Variants in CACNA2D1 observed in about 807,000 individuals in gnomAD.
CACNA2D1 encodes the protein calcium voltage-gated channel auxiliary subunit alpha2delta 1.
In CACNA2D1, 53 loss-of-function variants were observed where a neutral mutation model predicts 171.5. That is an observed-to-expected ratio of 0.31 (90% CI 0.25 to 0.39). The LOEUF is 0.39. CACNA2D1 is among the 10% of genes least tolerant of loss of function. The pLI, the probability that CACNA2D1 is intolerant of heterozygous loss-of-function variation, is 1.00. For synonymous variants in CACNA2D1, 442 were observed against 443.1 expected (o/e 1.00, Z 0.03); for missense variants, 903 against 1,299.8 (o/e 0.69, Z 4.69).
intron 10 of CACNA2D1, among the ~76,000 whole-genome samples, chr7:82,059,112 C>G (rs1806291971): frequency 6.6e-6 from 1 of 152,124 alleles, no homozygotes. Context: ...ACTTTAACTT[C>G]TTCCTCCCAA....
intron 6 of CACNA2D1, among the ~76,000 whole-genome samples, chr7:82,096,736 G>A (rs984357264): frequency 1.1e-4 from 16 of 150,694 alleles, no homozygotes; most frequent in Non-Finnish European, 1.9e-4. Flanking sequence ...AGAGTATTGT[G>A]ACAGATTACA....
chr7:81,978,307 C>A (rs1176242231), intron 24 of CACNA2D1, among the ~76,000 whole-genome samples: 1 of 152,082 alleles, frequency 6.6e-6, no homozygotes, highest in Non-Finnish European at 1.5e-5. Flanking sequence ...CAGCACGGTT[C>A]AGAACAGCAA....
At chr7:82,069,031 T>C (rs73703117) in intron 7 of CACNA2D1, among the ~76,000 whole-genome samples, 13,454 of 152,250 alleles carry the variant, frequency 0.088, 640 homozygotes, top group Middle Eastern at 0.18. Flanking sequence ...TCTGAGATAT[T>C]TACTCTTAGG....
At chr7:82,337,676 C>T (rs2087305671) in intron 2 of CACNA2D1, among the ~76,000 whole-genome samples, 1 of 152,082 alleles carries the variant, frequency 6.6e-6, no homozygotes, top group Admixed American at 6.6e-5. Context: ...TTTTTGGCAC[C>T]AGACAGAGTT....
chr7:81,983,410 T>TA (rs1252092306), intron 22 of CACNA2D1, 76 bp from the exon 23 acceptor site: 3 of 1,045,016 alleles, frequency 2.9e-6, no homozygotes, highest in Non-Finnish European at 4.4e-6. Context: ...TCATAAACAA[T>TA]ATTTTATTCA....
At chr7:82,433,299 GT>G (rs1220172936) in intron 1 of CACNA2D1, among the ~76,000 whole-genome samples, 2 of 152,124 alleles carry the variant, frequency 1.3e-5, no homozygotes, top group African/African-American at 4.8e-5. Flanking sequence ...AGAACCAAAT[GT>G]TGCTGTGTCC....
At chr7:81,954,435 TAAAAAATCTAAACCATAGTAA>T (rs1421796712) in intron 38 of CACNA2D1, among the ~76,000 whole-genome samples, 2 of 152,008 alleles carry the variant, frequency 1.3e-5, no homozygotes, top group Non-Finnish European at 2.9e-5. Context: ...CATTACTCTT[TAAAAAATCTAAACCATAGTAA>T]AATTCATATG....
chr7:82,260,184 T>C lies in CACNA2D1; in HGVS notation c.294+74951A>G, dbSNP rs574398187. ...TTTCACTGAGCCAAGATCATAGCAT[T>C]GCACTCCAGGCTGGGTAACAAGAGT... On this transcript the variant is annotated intron_variant, in intron 3 of 38. Coordinates refer to ENST00000356860, the MANE Select transcript of CACNA2D1 (RefSeq NM_000722.4). 2.1e-3 allele frequency among the ~76,000 whole-genome samples: 315 copies of C among 152,294 alleles called. 4 individuals carry two copies. The highest frequency in any genetic ancestry group is 1.8e-3 in the Non-Finnish European group (122 of 68,020).
chr7:81,959,413 A>ACT, intron 37 of CACNA2D1, 56 bp from the exon 38 acceptor site: 2 of 1,171,016 alleles, frequency 1.7e-6, no homozygotes, highest in Non-Finnish European at 2.6e-6. Context: ...GATTAAAAAT[A>ACT]AATACAATGC....
At chr7:82,401,058 A>G (rs1400133555) in intron 1 of CACNA2D1, among the ~76,000 whole-genome samples, 1 of 152,154 alleles carries the variant, frequency 6.6e-6, no homozygotes, top group Non-Finnish European at 1.5e-5. Flanking sequence ...AGGAAACAAC[A>G]GGTGCTGGAG....
At chr7:82,421,755 C>T (rs534531844) in intron 1 of CACNA2D1, among the ~76,000 whole-genome samples, 8 of 152,216 alleles carry the variant, frequency 5.3e-5, no homozygotes, top group South Asian at 4.1e-4. Flanking sequence ...ACCACAGATG[C>T]GCCTTAATTC....
intron 31 of CACNA2D1, 49 bp from the exon 32 acceptor site, chr7:81,965,714 G>T: frequency 1.8e-6 from 2 of 1,116,284 alleles, no homozygotes; most frequent in Non-Finnish European, 2.8e-6. Flanking sequence ...AGGTTAGGAG[G>T]CTGCATTGTC....
intron 14 of CACNA2D1, among the ~76,000 whole-genome samples, 193 bp from the exon 15 acceptor site, chr7:82,012,436 A>C (rs1218554535): frequency 6.6e-6 from 1 of 152,104 alleles, no homozygotes. Context: ...TTGAATGAAC[A>C]ATATTTGACT....
intron 6 of CACNA2D1, among the ~76,000 whole-genome samples, chr7:82,085,441 T>C (rs977217817): frequency 2.0e-5 from 3 of 151,792 alleles, no homozygotes; most frequent in Non-Finnish European, 4.4e-5. Flanking sequence ...ATGGGGCACC[T>C]TAGGACAGAG....
At chr7:82,180,011 T>G (rs1796952544) in intron 3 of CACNA2D1, among the ~76,000 whole-genome samples, 1 of 152,156 alleles carries the variant, frequency 6.6e-6, no homozygotes, top group Non-Finnish European at 1.5e-5. Context: ...TCAGAATTGT[T>G]TTGACCATAT....
chr7:82,443,877 G>A, upstream of CACNA2D1: 2 of 396,302 alleles, frequency 5.0e-6, no homozygotes. Flanking sequence ...TGGAGGGTGG[G>A]GGTGGCTGCA....
At chr7:82,192,650 C>T (rs1798455005) in intron 3 of CACNA2D1, among the ~76,000 whole-genome samples, 1 of 151,576 alleles carries the variant, frequency 6.6e-6, no homozygotes, top group Non-Finnish European at 1.5e-5. Flanking sequence ...CTCTCTTTGA[C>T]TGAGCCAACT....
intron 4 of CACNA2D1, among the ~76,000 whole-genome samples, chr7:82,147,826 A>G (rs2129102097): frequency 6.6e-6 from 1 of 152,308 alleles, no homozygotes; most frequent in East Asian, 1.9e-4. Flanking sequence ...AAAGAACATT[A>G]GGTTGGTAAT....
At chr7:82,091,832 C>T (rs1181851366) in intron 6 of CACNA2D1, among the ~76,000 whole-genome samples, 1 of 152,128 alleles carries the variant, frequency 6.6e-6, no homozygotes, top group Non-Finnish European at 1.5e-5. Flanking sequence ...ATCACTGGCA[C>T]AACATACTAC....
Sources: gnomAD v4.1 joint callset for allele counts (sites outside exome capture counted in the v4.1 genomes callset) on GRCh38, gnomAD v4.1.1 for gene constraint, MANE v1.5 for transcripts, NCBI Gene and HGNC (gene_info 2026-07-23, HGNC 2026-07-21) for gene names.